Variants in TRPC5 observed in about 807,000 individuals in gnomAD.
TRPC5 encodes the protein short transient receptor potential channel 5.
Under a neutral mutation model 56.5 loss-of-function variants are expected in TRPC5, and 9 were observed. The ratio of observed to expected loss-of-function variants is 0.16; its 90% CI spans 0.10 to 0.28. The LOEUF is 0.28. TRPC5 is among the 10% of genes least tolerant of loss of function. The pLI is 1.00. For synonymous variants in TRPC5, 282 were observed against 278.5 expected (o/e 1.01, Z -0.13); for missense variants, 469 against 748.9 (o/e 0.63, Z 4.36).
intron 1 of TRPC5, among the ~76,000 whole-genome samples, chrX:112,038,606 A>T (rs1929810891): frequency 8.9e-6 from 1 of 112,326 alleles, no homozygotes; most frequent in South Asian, 3.7e-4. Flanking sequence ...AAAACATTCA[A>T]ACTTGGTTAA....
chrX:111,976,169 C>A (rs1029563175), intron 1 of TRPC5, among the ~76,000 whole-genome samples: 2 of 111,442 alleles, frequency 1.8e-5, no homozygotes, highest in African/African-American at 6.5e-5. Flanking sequence ...ACACCTATAG[C>A]CCCTGCACTT....
At position 111,843,873 on chromosome X, in the gene TRPC5, A is replaced by AGTGTGT. The variant is rs547330564; in HGVS notation, c.1700+3235_1700+3240dup. Among the ~76,000 whole-genome samples the AGTGTGT allele has an allele frequency of 9.1e-3, 658 of 72,593 alleles. 6 individuals carry two copies. The highest frequency in any genetic ancestry group is 0.012 in the African/African-American group (220 of 17,950). 63.0% of individuals were successfully genotyped at this position (72,593 alleles called of 115,157 possible). ...AGGCCTGAACCAAGACAGTGGGATG[A>AGTGTGT]GTGTGTGTGTGTGTGTGTGTGTGTG... On this transcript the variant is annotated intron_variant, in intron 6 of 10. Transcript: ENST00000262839.
chrX:111,854,153 A>G, intron 3 of TRPC5, 47 bp from the exon 4 acceptor site: 1 of 1,128,112 alleles, frequency 8.9e-7, no homozygotes, highest in Non-Finnish European at 1.2e-6. Flanking sequence ...GTCCAGGAGA[A>G]AGTCTACTGT....
chrX:111,791,735 C>A (rs1418631545), intron 7 of TRPC5, among the ~76,000 whole-genome samples: 3 of 112,269 alleles, frequency 2.7e-5, no homozygotes, highest in African/African-American at 9.7e-5. Flanking sequence ...TATGGCACAC[C>A]ACCCAAGCTA....
intron 3 of TRPC5, among the ~76,000 whole-genome samples, chrX:111,860,818 T>C (rs1248085015): frequency 8.9e-6 from 1 of 112,273 alleles, no homozygotes; most frequent in Non-Finnish European, 1.9e-5. Flanking sequence ...CAAATAATCC[T>C]GTTTACCTCT....
chrX:111,842,826 A>G (rs895754898), intron 6 of TRPC5, among the ~76,000 whole-genome samples: 1 of 112,300 alleles, frequency 8.9e-6, no homozygotes, highest in Admixed American at 9.4e-5. Flanking sequence ...AAGCAAGCTC[A>G]AAGTGGATCA....
intron 3 of TRPC5, among the ~76,000 whole-genome samples, chrX:111,870,041 C>G (rs989945206): frequency 8.9e-6 from 1 of 111,750 alleles, no homozygotes; most frequent in Non-Finnish European, 1.9e-5. Flanking sequence ...ATGCTAATGA[C>G]CTATGAAAGA....
intron 7 of TRPC5, among the ~76,000 whole-genome samples, chrX:111,823,746 G>T (rs1399577028): frequency 1.8e-5 from 2 of 111,004 alleles, no homozygotes; most frequent in Non-Finnish European, 3.8e-5. Flanking sequence ...CTCCTTAAAG[G>T]ATCCTTCTGG....
intron 7 of TRPC5, among the ~76,000 whole-genome samples, chrX:111,801,045 C>T (rs1444028669): frequency 9.0e-6 from 1 of 111,694 alleles, no homozygotes; most frequent in African/African-American, 3.3e-5. Flanking sequence ...TTCCAGCACT[C>T]CCTTCTTGCT....
Position 112,036,919 on chromosome X carries a change from G to A in TRPC5, c.-22+44960C>T, listed in dbSNP as rs996251091. Among the ~76,000 whole-genome samples, 4 of 111,181 alleles carry A rather than the reference G, an allele frequency of 3.6e-5. No individual in the cohort carries two copies. In the Admixed American group the frequency reaches 3.8e-4, roughly 11 times the overall value. ...ACACAGAAACCCTTGCTTAGAGTTA[G>A]AGGATACTCATGGGTATTTGACTGT... On this transcript the variant is annotated intron_variant, in intron 1 of 10. Transcript: ENST00000262839.
intron 1 of TRPC5, among the ~76,000 whole-genome samples, chrX:112,072,208 G>T (rs934212356): frequency 2.4e-4 from 27 of 111,766 alleles, no homozygotes; most frequent in African/African-American, 8.5e-4. Flanking sequence ...GTGACCTTGG[G>T]CATGAGACCT....
At position 112,058,427 on chromosome X, in the gene TRPC5, T is replaced by G. The variant is rs1047558432; in HGVS notation, c.-22+23452A>C. Among the ~76,000 whole-genome samples the G allele has an allele frequency of 4.5e-5, 5 of 112,225 alleles. No homozygotes were observed. In the South Asian group the frequency reaches 1.9e-3, roughly 42 times the overall value. Reference sequence around the variant, plus strand: ...AAAATCTCTACTGTCCCCTAACAGCTGGTGTGAGCAGATAAGCTGGGGGCA... The same window carrying G: ...AAAATCTCTACTGTCCCCTAACAGCGGGTGTGAGCAGATAAGCTGGGGGCA... On this transcript the variant is annotated intron_variant, in intron 1 of 10. Transcript: ENST00000262839.
Position 111,830,544 on chromosome X carries a change from T to TAATCA in TRPC5, c.1896+4376_1896+4377insTGATT, listed in dbSNP as rs1451518865. Among the ~76,000 whole-genome samples the TAATCA allele has an allele frequency of 2.9e-4, 32 of 111,418 alleles. No individual in the cohort carries two copies. In the East Asian group the frequency reaches 9.1e-3, roughly 32 times the overall value. ...ATCCTCATATATTAGGGGAGGGACC[T>TAATCA]CCTGGGGGGTGATTAGATCATGGGG... On this transcript the variant is annotated intron_variant, in intron 7 of 10. Transcript: ENST00000262839.
intron 1 of TRPC5, among the ~76,000 whole-genome samples, chrX:111,976,974 A>T (rs1448512188): frequency 9.0e-6 from 1 of 111,661 alleles, no homozygotes; most frequent in East Asian, 2.8e-4. Flanking sequence ...ATCATAAAAT[A>T]TTGATGAAGA....
intron 1 of TRPC5, among the ~76,000 whole-genome samples, chrX:112,031,425 T>C (rs1246629876): frequency 8.9e-6 from 1 of 112,078 alleles, no homozygotes; most frequent in Non-Finnish European, 1.9e-5. Flanking sequence ...ATTGTCATTT[T>C]AACTGTGAGC....
chrX:111,875,858 G>A (rs2148595848), intron 3 of TRPC5, among the ~76,000 whole-genome samples: 1 of 109,798 alleles, frequency 9.1e-6, no homozygotes, highest in East Asian at 2.9e-4. Context: ...GGGAGAGGGA[G>A]GGTGTTAGTG....
intron 6 of TRPC5, among the ~76,000 whole-genome samples, chrX:111,837,256 G>A (rs778695607): frequency 1.2e-4 from 13 of 110,720 alleles, no homozygotes; most frequent in African/African-American, 3.3e-4. Context: ...ACAATGCATC[G>A]CAGAACCAGG....
chrX:112,044,707 T>C (rs1929978370), intron 1 of TRPC5, among the ~76,000 whole-genome samples: 1 of 112,071 alleles, frequency 8.9e-6, no homozygotes, highest in African/African-American at 3.2e-5. Flanking sequence ...TATTCTAATA[T>C]CTTGGAAAAT....
intron 1 of TRPC5, among the ~76,000 whole-genome samples, chrX:111,963,046 G>A (rs1046221588): frequency 7.1e-5 from 8 of 112,307 alleles, no homozygotes; most frequent in African/African-American, 2.3e-4. Context: ...CTCGGACAGC[G>A]CAAGGGGTCA....
Sources: gnomAD v4.1 joint callset for allele counts (sites outside exome capture counted in the v4.1 genomes callset) on GRCh38, gnomAD v4.1.1 for gene constraint, MANE v1.5 for transcripts, NCBI Gene and HGNC (gene_info 2026-07-23, HGNC 2026-07-21) for gene names.